PCDHA3: variants seen among roughly 807,000 people sequenced by gnomAD.
PCDHA3 encodes protocadherin alpha-3.
In PCDHA3, 41 loss-of-function variants were observed where a neutral mutation model predicts 62.2. That is an observed-to-expected ratio of 0.66 (90% CI 0.51 to 0.86). The LOEUF (loss-of-function observed/expected upper bound fraction) is 0.86. Ranked by LOEUF, PCDHA3 falls within the 40% of genes least tolerant of loss-of-function variation. The pLI is 0.00. For missense variants in PCDHA3, 1,304 were observed against 1,241.2 expected, an observed-to-expected ratio of 1.05 and a Z score of -0.76; for synonymous variants, 640 against 555.4, an observed-to-expected ratio of 1.15 and a Z score of -2.14.
intron 1 of PCDHA3, chr5:140,843,270 T>C (rs1198092649): frequency 1.3e-6 from 2 of 1,595,942 alleles, no homozygotes; most frequent in African/African-American, 2.7e-5. Context: ...CTGCTGGTCC[T>C]GGTGAAGGAT....
chr5:140,901,234 T>A (rs1013983503), intron 1 of PCDHA3, among the ~76,000 whole-genome samples: 4 of 152,156 alleles, frequency 2.6e-5, no homozygotes, highest in African/African-American at 9.7e-5. Context: ...ATATATCCAT[T>A]TTTTTCCTTT....
At chr5:140,856,574 T>C in intron 1 of PCDHA3, 1 of 1,597,714 alleles carries the variant, frequency 6.3e-7, no homozygotes, top group Non-Finnish European at 8.6e-7. Flanking sequence ...TCCAAATGAG[T>C]ATTTTGTTCT....
In PCDHA3 at chr5:140,856,890, G is replaced by A. The variant is rs782469336; in HGVS notation, c.2394+53299G>A. On this transcript the variant is annotated intron_variant, in intron 1 of 3. Transcript: ENST00000522353. ...AACAAGGAAATGATGTATTCATTTA[G>A]CTCTTTGGTCCCACCCACGATAAGA... 2.1e-5 allele frequency: 34 copies of A among 1,596,056 alleles called. 3 individuals carry two copies. The highest frequency in any genetic ancestry group is 2.9e-5 in the Non-Finnish European group (34 of 1,165,980).
Position 141,009,839 on chromosome 5 carries a change from A to G in PCDHA3, c.2755A>G (p.Lys919Glu), listed in dbSNP as rs2098414795. 6.2e-7 allele frequency: 1 copy of G among 1,614,164 alleles called. No individual in the cohort carries two copies. Residue 919 changes from lysine (K) to glutamate (E), a missense_variant, in exon 4 of 4, where the codon AAG becomes GAG. Coordinates refer to ENST00000522353, the MANE Select transcript of PCDHA3 (RefSeq NM_018906.3). The part of the protein sequence containing the change: ...DKSDFITFGK[K>E]EETKKKKKKK... ...AAGTGACTTCATAACCTTCGGCAAA[A>G]AGGAGGAGACCAAGAAAAAGAAGAA...
At chr5:140,997,668 T>TTGTGTGTGTG (rs35184029) in intron 3 of PCDHA3, among the ~76,000 whole-genome samples, 47 of 148,344 alleles carry the variant, frequency 3.2e-4, no homozygotes, top group East Asian at 1.8e-3. Flanking sequence ...ATTATACAGC[T>TTGTGTGTGTG]TGTGTGTGTG....
chr5:140,824,274 ATGC>A, intron 1 of PCDHA3: 2 of 1,155,556 alleles, frequency 1.7e-6, no homozygotes, highest in Non-Finnish European at 2.5e-6. Context: ...CATGTATTAT[ATGC>A]TTTTTATGAG....
chr5:140,921,098 A>G (rs1007745080), intron 1 of PCDHA3, among the ~76,000 whole-genome samples: 2 of 151,708 alleles, frequency 1.3e-5, no homozygotes, highest in South Asian at 2.1e-4. Context: ...CTCCTGCCTC[A>G]GTCTCCTAAG....
rs1165097192 is a variant in PCDHA3, at chr5:140,945,230, A to G, written c.2395-33719A>G. Among the ~76,000 whole-genome samples the G allele has an allele frequency of 2.6e-5, 4 of 152,290 alleles. No individual in the cohort carries two copies. In the East Asian group the frequency reaches 7.7e-4, roughly 29 times the overall value. On this transcript the variant is annotated intron_variant, in intron 1 of 3. Transcript: ENST00000522353. ...TATGAGAAAATAAAAATACTTAGGA[A>G]TAAATTTAACCAAGAGGATGAAAGA...
intron 1 of PCDHA3, chr5:140,928,268 G>A: frequency 6.2e-7 from 1 of 1,614,164 alleles, no homozygotes; most frequent in Non-Finnish European, 8.5e-7. Context: ...GAAAACAATG[G>A]CCCTGGGGCC....
chr5:140,857,393 G>T, intron 1 of PCDHA3: 1 of 1,598,492 alleles, frequency 6.3e-7, no homozygotes, highest in South Asian at 1.1e-5. Context: ...CGACGTGAAC[G>T]ACAACGCGCC....
intron 3 of PCDHA3, among the ~76,000 whole-genome samples, chr5:140,996,702 T>A (rs2097740306): frequency 6.6e-6 from 1 of 152,174 alleles, no homozygotes; most frequent in African/African-American, 2.4e-5. Context: ...TGAACCTCTA[T>A]CTCTTTGATT....
intron 1 of PCDHA3, chr5:140,863,768 G>C (rs2048166638): frequency 4.1e-6 from 1 of 242,260 alleles, no homozygotes; most frequent in African/African-American, 2.2e-5. Flanking sequence ...GGAAGCCGAG[G>C]CGGGCGGATC....
intron 1 of PCDHA3, among the ~76,000 whole-genome samples, chr5:140,942,409 TAAA>T (rs78736997): frequency 7.0e-6 from 1 of 143,620 alleles, no homozygotes; most frequent in Non-Finnish European, 1.5e-5. Context: ...AGACTCTGTT[TAAA>T]AAAAAAAAAG....
At chr5:140,834,079 C>T (rs1300614234) in intron 1 of PCDHA3, among the ~76,000 whole-genome samples, 1 of 152,142 alleles carries the variant, frequency 6.6e-6, no homozygotes, top group African/African-American at 2.4e-5. Context: ...GCTATTTTAA[C>T]CTTTAACAAC....
intron 1 of PCDHA3, chr5:140,823,332 G>A: frequency 6.2e-7 from 1 of 1,612,144 alleles, no homozygotes; most frequent in Non-Finnish European, 8.5e-7. Context: ...TGTACGCGCT[G>A]CAGCCGCTGG....
In PCDHA3 at chr5:140,850,319, A is replaced by T. The variant is rs1407979146; in HGVS notation, c.2394+46728A>T. On this transcript the variant is annotated intron_variant, in intron 1 of 3. Transcript: ENST00000522353. ...ACTCGGGCTACAACGCGTGGCTTTC[A>T]TACGAGCTGCAGCCAGAAACGGCCA... 3.1e-6 allele frequency: 5 copies of T among 1,597,446 alleles called. No individual in the cohort carries two copies. In the African/African-American group the frequency reaches 6.7e-5, roughly 21 times the overall value.
chr5:140,939,090 A>C (rs1563171940), intron 1 of PCDHA3, among the ~76,000 whole-genome samples: 1 of 152,192 alleles, frequency 6.6e-6, no homozygotes, highest in Non-Finnish European at 1.5e-5. Flanking sequence ...GGGTGGCTTA[A>C]AAACAATAGA....
rs782531082 is a variant in PCDHA3 at position 140,877,160 on chromosome 5, C to T, written c.2394+73569C>T. The T allele has an allele frequency of 4.0e-5, 64 of 1,613,696 alleles. 1 individual carries two copies. In the Admixed American group the frequency reaches 1.0e-3, roughly 26 times the overall value. The stretch of plus-strand genomic sequence containing the variant: ...GTGCTGGACGAGAACGACAACGCGC[C>T]GGCACTGCTGGCGACTCCGGCTGGC... On this transcript the variant is annotated intron_variant, in intron 1 of 3. Transcript: ENST00000522353.
At chr5:140,987,565 T>C (rs1407426548) in intron 3 of PCDHA3, among the ~76,000 whole-genome samples, 1 of 152,344 alleles carries the variant, frequency 6.6e-6, no homozygotes, top group East Asian at 1.9e-4. Flanking sequence ...TCTCAGTTTC[T>C]TTCTCTATAA....
Sources: gnomAD v4.1 joint callset for allele counts (sites outside exome capture counted in the v4.1 genomes callset) on GRCh38, gnomAD v4.1.1 for gene constraint, MANE v1.5 for transcripts, NCBI Gene and HGNC (gene_info 2026-07-23, HGNC 2026-07-21) for gene names.